Variants in STAG1 observed in about 807,000 individuals in gnomAD.
STAG1 encodes the protein STAG1 cohesin complex component.
A neutral mutation model predicts 170.9 loss-of-function variants in STAG1; 26 were observed. The observed-to-expected ratio is 0.15, with a 90% CI of 0.11 to 0.21. The LOEUF is 0.21. Among genes scored for constraint, STAG1 ranks in the 10% least tolerant of loss-of-function variants. The pLI, the probability that STAG1 is intolerant of heterozygous loss-of-function variation, is 1.00. For missense variants in STAG1, 964 were observed against 1,509.5 expected, an observed-to-expected ratio of 0.64 and a Z score of 5.99; for synonymous variants, 514 against 497.7, an observed-to-expected ratio of 1.03 and a Z score of -0.44.
At chr3:136,559,200 T>G (rs1373647891) in intron 5 of STAG1, among the ~76,000 whole-genome samples, 3 of 152,138 alleles carry the variant, frequency 2.0e-5, no homozygotes, top group African/African-American at 7.2e-5. Context: ...AGATAAGAAT[T>G]CATTAAAATA....
At chr3:136,462,982 T>G (rs565456401) in intron 13 of STAG1, among the ~76,000 whole-genome samples, 4 of 152,294 alleles carry the variant, frequency 2.6e-5, no homozygotes, top group African/African-American at 9.6e-5. Context: ...CAACAAATTA[T>G]TTCTAAAAAC....
Position 136,447,595 on chromosome 3 carries a change from C to CGTT in STAG1, c.1429-4192_1429-4191insAAC, listed in dbSNP as rs1559806771. On this transcript the variant is annotated intron_variant, in intron 14 of 33. Coordinates refer to ENST00000383202, the MANE Select transcript of STAG1 (RefSeq NM_005862.3). ...ATCCTTATCCCTCTGAAAAGCATCA[C>CGTT]ATTTTTTTTTTTTTTTTTTTTTTTT... Among the ~76,000 whole-genome samples the CGTT allele has an allele frequency of 2.5e-5, 3 of 121,414 alleles. No homozygotes were observed. In the South Asian group the frequency reaches 8.0e-4, roughly 33 times the overall value. 79.7% of individuals were successfully genotyped at this position (121,414 alleles called of 152,430 possible). A position where few individuals can be genotyped will look rare whatever the true frequency, so the allele number is the denominator to read the frequency against.
chr3:136,481,954 A>C (rs1338439933), intron 9 of STAG1, among the ~76,000 whole-genome samples: 1 of 56,200 alleles, frequency 1.8e-5, no homozygotes, highest in Non-Finnish European at 3.8e-5. Context: ...TATTGCGTCT[A>C]TTTGATTCTT....
At chr3:136,613,453 T>C (rs1253823242) in intron 3 of STAG1, among the ~76,000 whole-genome samples, 1 of 152,152 alleles carries the variant, frequency 6.6e-6, no homozygotes, top group Non-Finnish European at 1.5e-5. Flanking sequence ...TGATTTGCAG[T>C]TCCCAAATGA....
At chr3:136,500,935 T>C (rs1933432036) in intron 8 of STAG1, among the ~76,000 whole-genome samples, 1 of 152,208 alleles carries the variant, frequency 6.6e-6, no homozygotes, top group African/African-American at 2.4e-5. Flanking sequence ...CAGCACTGAA[T>C]TACATTCAAG....
In STAG1 at chr3:136,349,177, A is replaced by G. The variant is rs746822964; in HGVS notation, c.3252T>C (p.Leu1084=). Reference sequence around the variant, plus strand: ...ACTTACCTTCTACTCGTTTTTTATGAAGTGGAGGTCGTCCTTTCTTATTCC... The same window carrying G: ...ACTTACCTTCTACTCGTTTTTTATGGAGTGGAGGTCGTCCTTTCTTATTCC... The part of the protein sequence containing the change: ...SVRNKKGRPP[L]HKKRVEDESL... Residue 1084 remains leucine (L), a synonymous_variant, in exon 29 of 34, where the codon CTT becomes CTC. Coordinates refer to ENST00000383202, the MANE Select transcript of STAG1 (RefSeq NM_005862.3). 1.7e-5 allele frequency: 27 copies of G among 1,613,934 alleles called. 1 individual carries two copies. In the South Asian group the frequency reaches 2.9e-4, roughly 17 times the overall value.
At chr3:136,588,598 C>T (rs925657860) in intron 4 of STAG1, among the ~76,000 whole-genome samples, 5 of 152,018 alleles carry the variant, frequency 3.3e-5, no homozygotes, top group Admixed American at 3.3e-4. Context: ...CCTTGGCCTC[C>T]CAAAATGCTG....
At chr3:136,663,361 C>T (rs1941643476) in intron 1 of STAG1, among the ~76,000 whole-genome samples, 1 of 151,940 alleles carries the variant, frequency 6.6e-6, no homozygotes, top group South Asian at 2.1e-4. Context: ...TTAGAATAAG[C>T]AAATAGGTAC....
intron 1 of STAG1, among the ~76,000 whole-genome samples, chr3:136,740,396 G>A (rs1934603235): frequency 6.6e-6 from 1 of 152,150 alleles, no homozygotes; most frequent in Non-Finnish European, 1.5e-5. Flanking sequence ...AGTAAAAGGG[G>A]GATAACACCA....
At chr3:136,701,559 A>G (rs768416275) in intron 1 of STAG1, among the ~76,000 whole-genome samples, 45 of 152,240 alleles carry the variant, frequency 3.0e-4, no homozygotes, top group South Asian at 1.7e-3. Flanking sequence ...CTCGCTTCCT[A>G]CCTCTGCCAC....
At chr3:136,670,222 A>G (rs1367677177) in intron 1 of STAG1, among the ~76,000 whole-genome samples, 1 of 152,226 alleles carries the variant, frequency 6.6e-6, no homozygotes, top group Non-Finnish European at 1.5e-5. Context: ...CCAACCCTAT[A>G]GCCAAGAAAG....
At chr3:136,514,613 G>A (rs1359904993) in intron 7 of STAG1, among the ~76,000 whole-genome samples, 1 of 152,110 alleles carries the variant, frequency 6.6e-6, no homozygotes, top group Admixed American at 6.6e-5. Context: ...ACATGCATAC[G>A]TATATTTACT....
At position 136,542,206 on chromosome 3, in the gene STAG1, A is replaced by G. The variant is rs1443797287; in HGVS notation, c.395-11T>C. 2 of 1,585,798 alleles carry G rather than the reference A, an allele frequency of 1.3e-6. No homozygotes were observed. The highest frequency in any genetic ancestry group is 1.7e-6 in the Non-Finnish European group (2 of 1,161,526). On this transcript the variant is annotated splice_polypyrimidine_tract_variant and intron_variant, in intron 5 of 33. Transcript: ENST00000383202. The stretch of plus-strand genomic sequence containing the variant: ...CTATTCTCACAGTACCTGTGGAACA[A>G]CAGATTTTACATTAATCTTTCAATT...
At chr3:136,556,677 G>C (rs1936633934) in intron 5 of STAG1, among the ~76,000 whole-genome samples, 1 of 151,710 alleles carries the variant, frequency 6.6e-6, no homozygotes, top group Non-Finnish European at 1.5e-5. Context: ...TCACCTCCTG[G>C]GCTCAAGCGA....
At chr3:136,455,712 C>G (rs112942913) in intron 13 of STAG1, among the ~76,000 whole-genome samples, 177 of 152,284 alleles carry the variant, frequency 1.2e-3, no homozygotes, top group African/African-American at 2.5e-3. Context: ...ACAATCCAAG[C>G]GAAGGATCAA....
chr3:136,613,645 C>T (rs902231559), intron 3 of STAG1, among the ~76,000 whole-genome samples: 1 of 152,060 alleles, frequency 6.6e-6, no homozygotes, highest in Non-Finnish European at 1.5e-5. Context: ...TGCCACCACA[C>T]CCAGGTAATT....
At chr3:136,388,012 T>G (rs2086914186) in intron 22 of STAG1, among the ~76,000 whole-genome samples, 1 of 152,144 alleles carries the variant, frequency 6.6e-6, no homozygotes. Context: ...CACTACCCAT[T>G]AAGTATGTTT....
At chr3:136,742,454 C>G (rs1023159818) in intron 1 of STAG1, among the ~76,000 whole-genome samples, 1 of 152,050 alleles carries the variant, frequency 6.6e-6, no homozygotes, top group Admixed American at 6.6e-5. Flanking sequence ...TGGCTCATGC[C>G]TATAATCTGA....
chr3:136,684,275 A>G (rs1942436030), intron 1 of STAG1, among the ~76,000 whole-genome samples: 1 of 152,226 alleles, frequency 6.6e-6, no homozygotes, highest in Non-Finnish European at 1.5e-5. Flanking sequence ...AGCAACTTCA[A>G]GATTTACTAT....
Sources: allele counts gnomAD v4.1 joint callset (sites outside exome capture counted in the v4.1 genomes callset), GRCh38; gene constraint gnomAD v4.1.1; transcripts MANE v1.5; gene names NCBI Gene and HGNC (gene_info 2026-07-23, HGNC 2026-07-21).